ACACA: variants seen among roughly 807,000 people sequenced by gnomAD.
The protein encoded by ACACA is acetyl-CoA carboxylase alpha.
In ACACA, 103 loss-of-function variants were observed where a neutral mutation model predicts 296.1. The ratio of observed to expected loss-of-function variants is 0.35; its 90% confidence interval spans 0.30 to 0.41. The LOEUF is 0.41. Among genes scored for constraint, ACACA ranks in the 10% least tolerant of loss-of-function variants. The pLI is 1.00. For synonymous variants in ACACA, 953 were observed against 1,038.6 expected, an observed-to-expected ratio of 0.92 and a Z score of 1.58; for missense variants, 1,554 against 2,989.7, an observed-to-expected ratio of 0.52 and a Z score of 11.20.
intron 48 of ACACA, among the ~76,000 whole-genome samples, chr17:37,123,982 T>G (rs898071243): frequency 1.3e-5 from 2 of 152,224 alleles, no homozygotes; most frequent in African/African-American, 4.8e-5. Context: ...GGCTAGCACA[T>G]GAAGATGCTA....
chr17:37,097,937 A>C lies in ACACA; in HGVS notation c.6613T>G (p.Leu2205Val), dbSNP rs140015255. 1.7e-5 allele frequency: 28 copies of C among 1,613,962 alleles called. No homozygotes were observed. The African/African-American group carries it at 3.6e-4, about 21-fold the overall frequency. ...TAERKELENK[L>V]KEREEFLIPI... Reference sequence around the variant, plus strand: ...ATTAGGAATTCCTCCCGCTCCTTCAACTTGTTCTCCAACTCCTTCCGCTCA... The same window carrying C: ...ATTAGGAATTCCTCCCGCTCCTTCACCTTGTTCTCCAACTCCTTCCGCTCA... Residue 2205 changes from leucine (L) to valine (V), a missense_variant, in exon 53 of 56, where the codon TTG (leucine) becomes GTG (valine). Physicochemically the swap from Leu to Val is conservative, Grantham distance 32. Coordinates refer to ENST00000616317, the MANE Select transcript of ACACA (RefSeq NM_198834.3). This position sits in a 1 kb window ranked among gnomAD's most constrained non-coding sequence, Gnocchi z 4.8.
At chr17:37,165,217 T>C (rs2076618510) in intron 41 of ACACA, among the ~76,000 whole-genome samples, 1 of 151,908 alleles carries the variant, frequency 6.6e-6, no homozygotes. Flanking sequence ...CATTCAGTTT[T>C]GAGGTAGCAT....
At chr17:37,092,918 G>C (rs1476400680) in intron 54 of ACACA, among the ~76,000 whole-genome samples, 1 of 152,106 alleles carries the variant, frequency 6.6e-6, no homozygotes, top group African/African-American at 2.4e-5. Flanking sequence ...CCCAAGAAAG[G>C]ATGTGATTTT....
At chr17:37,216,833 T>TAA (rs890129477) in intron 29 of ACACA, among the ~76,000 whole-genome samples, 1 of 137,022 alleles carries the variant, frequency 7.3e-6, no homozygotes, top group African/African-American at 2.7e-5. Flanking sequence ...TTTTCCTGAA[T>TAA]AAAAAAAAAA....
chr17:37,283,211 G>T, intron 5 of ACACA, 56 bp downstream of exon 5: 5 of 1,605,562 alleles, frequency 3.1e-6, no homozygotes, highest in Non-Finnish European at 4.3e-6. Context: ...CTTAAAGGCT[G>T]TGCTGTTCCA....
At chr17:37,303,035 A>G (rs191656550) in intron 3 of ACACA, among the ~76,000 whole-genome samples, 121 of 152,248 alleles carry the variant, frequency 7.9e-4, no homozygotes, top group African/African-American at 2.5e-3. Flanking sequence ...GGCTCAAGCA[A>G]TCCTCCTGCC....
At chr17:37,329,640 C>T (rs1411100780) in intron 3 of ACACA, among the ~76,000 whole-genome samples, 1 of 119,390 alleles carries the variant, frequency 8.4e-6, no homozygotes, top group Non-Finnish European at 1.8e-5. Context: ...GACTCTATCT[C>T]AAAAAAAAAA....
At chr17:37,285,304 C>G (rs2082716342) in intron 3 of ACACA, among the ~76,000 whole-genome samples, 1 of 152,154 alleles carries the variant, frequency 6.6e-6, no homozygotes, top group Non-Finnish European at 1.5e-5. Flanking sequence ...TGGATCACGA[C>G]TCTGGTGTGC....
chr17:37,295,690 T>A (rs990196045), intron 3 of ACACA, among the ~76,000 whole-genome samples: 7 of 152,010 alleles, frequency 4.6e-5, no homozygotes, highest in African/African-American at 1.7e-4. Context: ...ATTGGGAGGC[T>A]GAGGCGGGTG....
chr17:37,227,553 AAAAAAT>A (rs909567176), intron 25 of ACACA, among the ~76,000 whole-genome samples: 3 of 152,142 alleles, frequency 2.0e-5, no homozygotes, highest in African/African-American at 7.2e-5. Flanking sequence ...CTCTAAAAAT[AAAAAAT>A]AAAAATAAAT....
chr17:37,265,495 CT>C (rs2081721997), intron 10 of ACACA, among the ~76,000 whole-genome samples: 1 of 152,132 alleles, frequency 6.6e-6, no homozygotes, highest in African/African-American at 2.4e-5. Flanking sequence ...TACAGTTTCT[CT>C]TGATCCAAAG....
chr17:37,148,362 G>T (rs190272724), intron 45 of ACACA, among the ~76,000 whole-genome samples: 1 of 152,136 alleles, frequency 6.6e-6, no homozygotes, highest in African/African-American at 2.4e-5. Context: ...AGCCAAGTTC[G>T]CCACTGTTAG....
chr17:37,199,130 C>T lies in ACACA; in HGVS notation c.4158+1009G>A, dbSNP rs138331302. On this transcript the variant is annotated intron_variant, in intron 35 of 55. Transcript: ENST00000616317. Reference sequence around the variant, plus strand: ...TGGCACATGCCTGCAATCCCAGCTACTTGGGAGGCTGAGGCAGGAGAATTG... The same window carrying T: ...TGGCACATGCCTGCAATCCCAGCTATTTGGGAGGCTGAGGCAGGAGAATTG... 6.5e-4 allele frequency among the ~76,000 whole-genome samples: 99 copies of T among 151,864 alleles called. 1 individual carries two copies. In the East Asian group the frequency reaches 0.017, roughly 26 times the overall value.
At position 37,181,078 on chromosome 17, in the gene ACACA, A is replaced by C. The variant is rs896501497; in HGVS notation, c.4932+123T>G. 58 of 1,028,268 alleles carry C rather than the reference A, an allele frequency of 5.6e-5. No individual in the cohort carries two copies. In the African/African-American group the frequency reaches 8.5e-4, roughly 15 times the overall value. 63.7% of individuals were successfully genotyped at this position (1,028,268 alleles called of 1,614,324 possible). On this transcript the variant is annotated intron_variant, in intron 40 of 55. Coordinates refer to ENST00000616317, the MANE Select transcript of ACACA (RefSeq NM_198834.3). ...AATCCTCAAATGAAATAGAAATGAA[A>C]ACAGTGTCAAGATATTTCTTGCCCT... is the stretch of plus-strand genomic sequence containing the variant.
At position 37,085,465 on chromosome 17, in the gene ACACA, GGATTT is replaced by G. The variant is rs2072137011; in HGVS notation, c.*1846_*1850del. 5.0e-6 allele frequency: 2 copies of G among 397,356 alleles called. No individual in the cohort carries two copies. The highest frequency in any genetic ancestry group is 8.9e-6 in the Non-Finnish European group (2 of 225,842). The allele number at this position is 397,356 out of a possible 1,614,324, so 24.6% of individuals were successfully genotyped here. A position where few individuals can be genotyped will look rare whatever the true frequency, so the allele number is the denominator to read the frequency against. On this transcript the variant is annotated 3_prime_UTR_variant, in exon 56 of 56. Transcript: ENST00000616317. ...ACTTCATACCACTTGTAGATATGTG[GGATTT>G]GATTTATTGCAAAAAAGCATAGAAG...
chr17:37,125,898 G>C (rs2074760632), intron 47 of ACACA, 104 bp from the exon 48 acceptor site: 1 of 1,061,172 alleles, frequency 9.4e-7, no homozygotes, highest in Non-Finnish European at 1.4e-6. Context: ...ATTTTGGGGA[G>C]TTTGTTGTTT....
intron 41 of ACACA, among the ~76,000 whole-genome samples, chr17:37,173,207 C>T (rs1045292124): frequency 3.9e-5 from 6 of 152,176 alleles, no homozygotes; most frequent in African/African-American, 1.4e-4. Context: ...CATATACACA[C>T]TCTCTACAGG....
At chr17:37,246,184 T>C (rs1288169512) in intron 19 of ACACA, among the ~76,000 whole-genome samples, 1 of 152,166 alleles carries the variant, frequency 6.6e-6, no homozygotes, top group African/African-American at 2.4e-5. Flanking sequence ...TATGCTTAGC[T>C]CTCTTAAAAT....
chr17:37,329,148 G>T (rs886893784), intron 3 of ACACA, among the ~76,000 whole-genome samples: 4 of 152,092 alleles, frequency 2.6e-5, no homozygotes, highest in Non-Finnish European at 4.4e-5. Context: ...CCTTTATTGG[G>T]GACTGGCCCT....
Sources: gnomAD v4.1 joint callset for allele counts (sites outside exome capture counted in the v4.1 genomes callset) on GRCh38, gnomAD v4.1.1 for gene constraint, Gnocchi (gnomAD v3.1) non-coding constraint, MANE v1.5 for transcripts, NCBI Gene and HGNC (gene_info 2026-07-23, HGNC 2026-07-21) for gene names.